NOL4: variants seen among roughly 807,000 people sequenced by gnomAD.
NOL4 encodes nucleolar protein 4.
In NOL4, 17 loss-of-function variants were observed where a neutral mutation model predicts 75.9. The ratio of observed to expected loss-of-function variants is 0.22; its 90% CI spans 0.15 to 0.34. The LOEUF (loss-of-function observed/expected upper bound fraction) is 0.34. NOL4 is among the 10% of genes least tolerant of loss of function. The pLI is 1.00. For missense variants in NOL4, 614 were observed against 793.5 expected, an observed-to-expected ratio of 0.77 and a Z score of 2.72; for synonymous variants, 292 against 289.9, an observed-to-expected ratio of 1.01 and a Z score of -0.07.
chr18:34,041,480 T>C (rs1030093396), intron 5 of NOL4, among the ~76,000 whole-genome samples: 6 of 150,994 alleles, frequency 4.0e-5, no homozygotes, highest in Non-Finnish European at 7.4e-5. Flanking sequence ...ATATGGGAAA[T>C]AGTTATCCAT....
At chr18:34,114,777 T>G (rs888062529) in intron 2 of NOL4, among the ~76,000 whole-genome samples, 1 of 152,060 alleles carries the variant, frequency 6.6e-6, no homozygotes, top group African/African-American at 2.4e-5. Flanking sequence ...CAAACAAGGA[T>G]TTCCCAAATA....
intron 1 of NOL4, among the ~76,000 whole-genome samples, chr18:34,170,952 T>TAAATA (rs2032973022): frequency 6.6e-6 from 1 of 152,200 alleles, no homozygotes; most frequent in Non-Finnish European, 1.5e-5. Context: ...CAGTTTGCTA[T>TAAATA]AAATAAAATA....
At chr18:33,923,104 T>A (rs1356607554) in intron 9 of NOL4, among the ~76,000 whole-genome samples, 1 of 152,062 alleles carries the variant, frequency 6.6e-6, no homozygotes, top group Non-Finnish European at 1.5e-5. Context: ...TTTTAAAATT[T>A]CTCCTATAGG....
chr18:33,878,450 T>C (rs2064062903), intron 10 of NOL4, among the ~76,000 whole-genome samples: 1 of 152,134 alleles, frequency 6.6e-6, no homozygotes, highest in African/African-American at 2.4e-5. Context: ...CACAGTACCA[T>C]GTGCTTAGAA....
intron 6 of NOL4, among the ~76,000 whole-genome samples, chr18:34,010,418 T>G (rs2074304888): frequency 6.6e-6 from 1 of 151,904 alleles, no homozygotes; most frequent in South Asian, 2.1e-4. Context: ...ACACTTCGGT[T>G]GATTCCAAAT....
rs1227400722 is a variant in NOL4, at chr18:33,852,908, T to G, written c.1851A>C (p.Arg617=). The stretch of plus-strand genomic sequence containing the variant: ...ATCGCAATAAAAATGCAGCTGATTC[T>G]CGATATCCTGCAACAAGCTGTCTCA... ...NAVRQLVAGY[R]ESAAFLLRSA... The change falls in exon 11 of 11, where the codon CGA becomes CGC. Residue 617 remains arginine, a synonymous_variant. Coordinates refer to ENST00000261592, the MANE Select transcript of NOL4 (RefSeq NM_003787.5). 6.2e-7 allele frequency: 1 copy of G among 1,613,216 alleles called. No individual in the cohort carries two copies. The highest frequency in any genetic ancestry group is 1.1e-5 in the South Asian group (1 of 91,062).
chr18:34,223,744 C>G lies in NOL4; in HGVS notation c.-491G>C, dbSNP rs1198280473. ...CAGAAGCTTCCCCAGCCACTGGCCC[C>G]GTGGTCCAGGAGTGAGGGCTGCGCC... On this transcript the variant is annotated 5_prime_UTR_variant, in exon 1 of 11. Transcript: ENST00000261592. 6.6e-6 allele frequency among the ~76,000 whole-genome samples: 1 copy of G among 152,162 alleles called. No individual in the cohort carries two copies. Among genetic ancestry groups the G allele is most frequent in the Non-Finnish European group, 1.5e-5 (1 of 68,032 alleles).
intron 1 of NOL4, among the ~76,000 whole-genome samples, chr18:34,172,140 C>T (rs577648525): frequency 2.8e-4 from 42 of 152,090 alleles, no homozygotes; most frequent in Admixed American, 7.9e-4. Flanking sequence ...CTAACATAAA[C>T]GTAAAAGCTT....
At chr18:33,979,644 G>GTACTTTGAAA (rs1311773608) in intron 6 of NOL4, among the ~76,000 whole-genome samples, 1 of 151,658 alleles carries the variant, frequency 6.6e-6, no homozygotes, top group East Asian at 1.9e-4. Context: ...GTATAAATAT[G>GTACTTTGAAA]TACTTTGAAA....
intron 4 of NOL4, among the ~76,000 whole-genome samples, chr18:34,096,883 G>A (rs538646579): frequency 6.6e-6 from 1 of 152,062 alleles, no homozygotes; most frequent in African/African-American, 2.4e-5. Context: ...ATCTTCAGAA[G>A]TTGCTTGAAA....
At chr18:34,051,334 A>G (rs1240889148) in intron 5 of NOL4, among the ~76,000 whole-genome samples, 2 of 152,120 alleles carry the variant, frequency 1.3e-5, no homozygotes, top group Non-Finnish European at 1.5e-5. Context: ...AAAAATGTAA[A>G]TCTGTCTACA....
At chr18:34,220,848 T>C (rs1600919792) in intron 1 of NOL4, among the ~76,000 whole-genome samples, 1 of 152,268 alleles carries the variant, frequency 6.6e-6, no homozygotes, top group African/African-American at 2.4e-5. Context: ...ATATATGGAA[T>C]CTTTACTGAA....
chr18:33,936,550 T>C (rs1490032155), intron 9 of NOL4, among the ~76,000 whole-genome samples: 1 of 151,912 alleles, frequency 6.6e-6, no homozygotes, highest in Non-Finnish European at 1.5e-5. Context: ...ATAGAGTCAA[T>C]GGTGTCACAT....
chr18:34,031,479 G>A (rs1250358586), intron 5 of NOL4, among the ~76,000 whole-genome samples: 1 of 152,152 alleles, frequency 6.6e-6, no homozygotes, highest in Non-Finnish European at 1.5e-5. Context: ...ACCAGCAGTT[G>A]TCACCAGCAA....
At position 34,171,564 on chromosome 18, in the gene NOL4, C is replaced by T. The variant is rs187454020; in HGVS notation, c.265-41544G>A. Among the ~76,000 whole-genome samples the T allele has an allele frequency of 4.2e-3, 632 of 152,208 alleles. 5 individuals carry two copies. The highest frequency in any genetic ancestry group is 0.014 in the African/African-American group (570 of 41,530). On this transcript the variant is annotated intron_variant, in intron 1 of 10. Coordinates refer to ENST00000261592, the MANE Select transcript of NOL4 (RefSeq NM_003787.5). ...CCTTCAAGAAGAAATAGTCAAATAC[C>T]TGAATGACCATAGTCTTACTTGTTA...
chr18:34,042,490 A>C (rs2076182538), intron 5 of NOL4, among the ~76,000 whole-genome samples: 1 of 152,068 alleles, frequency 6.6e-6, no homozygotes, highest in East Asian at 1.9e-4. Context: ...ATCATATTCC[A>C]AAAGTTTAAG....
chr18:34,147,361 A>G (rs1343618174), intron 1 of NOL4, among the ~76,000 whole-genome samples: 1 of 152,164 alleles, frequency 6.6e-6, no homozygotes, highest in Non-Finnish European at 1.5e-5. Context: ...GGTTTGTCAT[A>G]AACAGCTTAT....
intron 5 of NOL4, among the ~76,000 whole-genome samples, chr18:34,028,763 T>A (rs573193652): frequency 2.0e-5 from 3 of 152,326 alleles, no homozygotes; most frequent in East Asian, 1.9e-4. Context: ...AGAAGATTCA[T>A]TTGCATGGTA....
intron 6 of NOL4, among the ~76,000 whole-genome samples, chr18:34,011,172 T>C (rs2074349357): frequency 6.6e-6 from 1 of 151,800 alleles, no homozygotes; most frequent in Non-Finnish European, 1.5e-5. Flanking sequence ...TTACACATCA[T>C]ATGCATGTAT....
Sources: gnomAD v4.1 joint callset for allele counts (sites outside exome capture counted in the v4.1 genomes callset) on GRCh38, gnomAD v4.1.1 for gene constraint, MANE v1.5 for transcripts, NCBI Gene and HGNC (gene_info 2026-07-23, HGNC 2026-07-21) for gene names.